Variants in CYFIP1 observed in about 807,000 individuals in gnomAD.
The protein encoded by CYFIP1 is cytoplasmic FMR1 interacting protein 1.
In CYFIP1, 58 loss-of-function variants were observed where a neutral mutation model predicts 163.5. The ratio of observed to expected loss-of-function variants is 0.35; its 90% CI spans 0.29 to 0.44. CYFIP1 has a LOEUF of 0.44. CYFIP1 is among the 20% of genes least tolerant of loss of function. CYFIP1 has a pLI of 1.00. For synonymous variants in CYFIP1, 663 were observed against 660.7 expected (o/e 1.00, Z -0.05); for missense variants, 1,338 against 1,653.8 (o/e 0.81, Z 3.31).
chr15:22,922,723 G>A (rs998315244), intron 13 of CYFIP1, among the ~76,000 whole-genome samples: 8 of 152,196 alleles, frequency 5.3e-5, no homozygotes, highest in East Asian at 1.9e-4. Context: ...TGGGCGTGGC[G>A]GCTCATGCCT....
chr15:22,916,129 C>A (rs754785170), intron 16 of CYFIP1, among the ~76,000 whole-genome samples: 1 of 152,214 alleles, frequency 6.6e-6, no homozygotes, highest in East Asian at 1.9e-4. Flanking sequence ...ACCTTCCCCC[C>A]ACGTCATGGT....
rs376286542 is a variant in CYFIP1 at position 22,939,504 on chromosome 15, G to A, written c.573C>T (p.Ala191=). Residue 191 remains alanine, a synonymous_variant, in exon 7 of 31, where the codon GCC becomes GCT. Coordinates refer to ENST00000617928, the MANE Select transcript of CYFIP1 (RefSeq NM_014608.6). ...CTGCCATTTTACGTAAAAACTGAGC[G>A]GCCCTTTGAAAACAAAAAGAATTCA... ...VKNDHSAYKR[A]AQFLRKMADP... is the part of the protein sequence containing the mutation. The A allele has an allele frequency of 2.7e-5, 43 of 1,591,938 alleles. No individual in the cohort carries two copies. The East Asian group carries it at 2.9e-4, about 11-fold the overall frequency.
chr15:22,939,420 C>T lies in CYFIP1; in HGVS notation c.657G>A (p.Lys219=). 21 of 1,614,112 alleles carry T rather than the reference C, an allele frequency of 1.3e-5. No individual in the cohort carries two copies. The highest frequency in any genetic ancestry group is 1.8e-5 in the Non-Finnish European group (21 of 1,180,016). The change falls in exon 7 of 31, where the codon AAG becomes AAA. Residue 219 remains lysine (K), a synonymous_variant. Transcript: ENST00000617928. ...NLSMFLANHN[K]ITQSLQQQLE... is the part of the protein sequence containing the mutation. ...CAAACACCAGCCTTACCTGTGTGAT[C>T]TTGTTATGATTGGCCAGGAACATGG...
intron 1 of CYFIP1, among the ~76,000 whole-genome samples, chr15:22,969,643 G>A (rs1372107325): frequency 6.6e-6 from 1 of 152,126 alleles, no homozygotes; most frequent in Non-Finnish European, 1.5e-5. Context: ...AATGACAGAT[G>A]TAAATCCCAC....
chr15:22,917,745 C>A lies in CYFIP1; in HGVS notation c.1674+43G>T. Reference sequence around the variant, plus strand: ...CACCCGCTCACAGCTCAGGGTGGGTCCCCCCAGGGAGAGGGTGCAGGCGGG... The same window carrying A: ...CACCCGCTCACAGCTCAGGGTGGGTACCCCCAGGGAGAGGGTGCAGGCGGG... On this transcript the variant is annotated intron_variant, in intron 15 of 30. Coordinates refer to ENST00000617928, the MANE Select transcript of CYFIP1 (RefSeq NM_014608.6). This position sits in a 1 kb window ranked among gnomAD's most constrained non-coding sequence, Gnocchi z 4.2. The A allele has an allele frequency of 2.0e-6, 3 of 1,505,044 alleles. No homozygotes were observed. Among genetic ancestry groups the A allele is most frequent in the African/African-American group, 1.5e-5 (1 of 64,872 alleles). 93.2% of individuals were successfully genotyped at this position (1,505,044 alleles called of 1,614,324 possible).
Position 22,947,181 on chromosome 15 carries a change from C to T in CYFIP1, c.105G>A (p.Ser35=), listed in dbSNP as rs772098979. Residue 35 remains serine (S), a synonymous_variant, in exon 2 of 31, where the codon TCG becomes TCA. Transcript: ENST00000617928. ...QQPCIEPPPS[S]LLYQPNFNTN... The stretch of plus-strand genomic sequence containing the variant: ...GCTGGGCACCCACCTGGTAGAGCAG[C>T]GAGGATGGCGGGGGCTCGATGCAGG... 27 of 1,614,040 alleles carry T rather than the reference C, an allele frequency of 1.7e-5. No individual in the cohort carries two copies. The highest frequency in any genetic ancestry group is 4.4e-5 in the South Asian group (4 of 91,078).
At chr15:22,936,202 C>T (rs544928982) in intron 9 of CYFIP1, among the ~76,000 whole-genome samples, 1 of 152,214 alleles carries the variant, frequency 6.6e-6, no homozygotes, top group South Asian at 2.1e-4. Context: ...AGGCCTGCTA[C>T]ACTCCAGCCT....
At chr15:22,946,321 A>G (rs1027578409) in intron 3 of CYFIP1, among the ~76,000 whole-genome samples, 1 of 151,774 alleles carries the variant, frequency 6.6e-6, no homozygotes, top group Admixed American at 6.6e-5. Flanking sequence ...AAAAGAAAGA[A>G]AGAAAACCTG....
intron 15 of CYFIP1, 70 bp from the exon 16 acceptor site, chr15:22,916,700 A>G: frequency 6.2e-7 from 1 of 1,614,112 alleles, no homozygotes; most frequent in Non-Finnish European, 8.5e-7. Context: ...CAAACTCAAA[A>G]AGCCCATGAG....
chr15:22,949,891 G>C (rs934757904), intron 1 of CYFIP1, among the ~76,000 whole-genome samples: 1 of 151,764 alleles, frequency 6.6e-6, no homozygotes, highest in Admixed American at 6.6e-5. Flanking sequence ...CTACTTGGGA[G>C]GCTGAGAAGG....
intron 17 of CYFIP1, among the ~76,000 whole-genome samples, 199 bp downstream of exon 17, chr15:22,914,527 A>T (rs191646242): frequency 6.6e-6 from 1 of 152,076 alleles, no homozygotes; most frequent in Non-Finnish European, 1.5e-5. Context: ...TCTGTGGTAA[A>T]GCAATCCTCC....
intron 22 of CYFIP1, among the ~76,000 whole-genome samples, chr15:22,897,345 C>T (rs995837842): frequency 6.6e-6 from 1 of 151,852 alleles, no homozygotes; most frequent in African/African-American, 2.4e-5. Context: ...TGTTGAATGT[C>T]TTGGGGGGCA....
chr15:22,948,347 G>A (rs921942059), intron 1 of CYFIP1, among the ~76,000 whole-genome samples: 3 of 152,146 alleles, frequency 2.0e-5, no homozygotes, highest in Non-Finnish European at 4.4e-5. Flanking sequence ...AGCCACCAGC[G>A]GCACACAGGG....
At chr15:22,979,128 C>A (rs968369686) in intron 1 of CYFIP1, among the ~76,000 whole-genome samples, 1 of 152,176 alleles carries the variant, frequency 6.6e-6, no homozygotes, top group Non-Finnish European at 1.5e-5. Flanking sequence ...AGGGCACCGG[C>A]ACTATATCCC....
chr15:22,876,460 C>T (rs932443171), intron 26 of CYFIP1, among the ~76,000 whole-genome samples: 1 of 152,030 alleles, frequency 6.6e-6, no homozygotes, highest in African/African-American at 2.4e-5. Flanking sequence ...ATTCTGCCTG[C>T]TTCAAACTCT....
At chr15:22,924,884 C>T (rs1438686326) in intron 13 of CYFIP1, among the ~76,000 whole-genome samples, 1 of 151,988 alleles carries the variant, frequency 6.6e-6, no homozygotes, top group Non-Finnish European at 1.5e-5. Context: ...CGAACCCGGG[C>T]AACTTGGTGA....
In CYFIP1 at chr15:22,917,849, T is replaced by A; in HGVS notation, c.1613A>T (p.Asp538Val). The A allele has an allele frequency of 6.2e-7, 1 of 1,613,780 alleles. No individual in the cohort carries two copies. Among genetic ancestry groups the A allele is most frequent in the Non-Finnish European group, 8.5e-7 (1 of 1,179,916 alleles). Residue 538 changes from aspartate to valine, a missense_variant, in exon 15 of 31, where the codon GAC becomes GTC. Asp to Val is a radical substitution (Grantham distance 152). This residue lies in a region of CYFIP1 where 824 missense variants were observed against 995.7 expected (regional missense o/e 0.83). Coordinates refer to ENST00000617928, the MANE Select transcript of CYFIP1 (RefSeq NM_014608.6). The surrounding 1 kb of genome is among the most constrained non-coding windows in gnomAD (Gnocchi z 4.2). ...FNDPALRGEK[D>V]PKSGFDIKVP... Reference sequence around the variant, plus strand: ...TTTTATGTCGAAGCCGCTCTTGGGGTCCTTCTCGCCCCGCAAGGCTGGGTC... The same window carrying A: ...TTTTATGTCGAAGCCGCTCTTGGGGACCTTCTCGCCCCGCAAGGCTGGGTC...
At chr15:22,932,500 AC>A (rs1325262034) in intron 10 of CYFIP1, among the ~76,000 whole-genome samples, 160 bp from the exon 11 acceptor site, 1 of 152,236 alleles carries the variant, frequency 6.6e-6, no homozygotes, top group African/African-American at 2.4e-5. Context: ...TCCGAAGGAG[AC>A]CACCTGTGGC....
intron 1 of CYFIP1, among the ~76,000 whole-genome samples, chr15:22,959,218 C>A (rs952210233): frequency 2.6e-5 from 4 of 152,222 alleles, no homozygotes; most frequent in Non-Finnish European, 5.9e-5. Context: ...ACACAGACAG[C>A]ATAAACAATT....
Sources: allele counts gnomAD v4.1 joint callset (sites outside exome capture counted in the v4.1 genomes callset), GRCh38; gene constraint gnomAD v4.1.1; regional missense constraint gnomAD v4.1.1; non-coding constraint Gnocchi (gnomAD v3.1); transcripts MANE v1.5; gene names NCBI Gene and HGNC (gene_info 2026-07-23, HGNC 2026-07-21).